TTLL5: variants seen among roughly 807,000 people sequenced by gnomAD.
TTLL5 encodes tubulin polyglutamylase TTLL5.
In TTLL5, 132 loss-of-function variants were observed where a neutral mutation model predicts 168.4. That is an observed-to-expected ratio of 0.78 (90% confidence interval 0.68 to 0.91). TTLL5 has a LOEUF of 0.91. Ranked by LOEUF, TTLL5 falls within the 40% of genes least tolerant of loss-of-function variation. The probability of loss-of-function intolerance (pLI) is 0.00; values close to 1 mark genes in which losing one functional copy is unlikely to be tolerated. For missense variants in TTLL5, 1,545 were observed against 1,581.5 expected (o/e 0.98, Z 0.39); for synonymous variants, 546 against 558.6 (o/e 0.98, Z 0.32).
At chr14:75,902,116 TC>T (rs1420936645) in intron 30 of TTLL5, 25 bp from the exon 31 acceptor site, 1 of 1,613,338 alleles carries the variant, frequency 6.2e-7, no homozygotes, top group African/African-American at 1.3e-5. Context: ...CGCCTGCAGG[TC>T]TGACCAAGCT....
rs1025217553 is a variant in TTLL5, at chr14:75,954,926, C to T, written c.*480C>T. 1.3e-5 allele frequency: 2 copies of T among 154,612 alleles called. No individual in the cohort carries two copies. Among genetic ancestry groups the T allele is most frequent in the African/African-American group, 4.8e-5 (2 of 41,496 alleles). 9.6% of individuals were successfully genotyped at this position (154,612 alleles called of 1,614,324 possible). On this transcript the variant is annotated 3_prime_UTR_variant, in exon 32 of 32. Transcript: ENST00000298832. ...ATCATCATCCGCCAAAGTTGTTCCT[C>T]CCTTTTCGGAGGATCTAGGGGGAAA...
At chr14:75,710,397 T>TACACACACACACAC (rs751341009) in intron 9 of TTLL5, 1 of 81,364 alleles carries the variant, frequency 1.2e-5, no homozygotes, top group Non-Finnish European at 2.5e-5. Flanking sequence ...CAAAAAAATT[T>TACACACACACACAC]ATACACACAC....
At chr14:75,745,646 A>T in intron 17 of TTLL5, 65 bp downstream of exon 17, 1 of 1,326,426 alleles carries the variant, frequency 7.5e-7, no homozygotes, top group Non-Finnish European at 1.1e-6. Flanking sequence ...TAATTGTGAT[A>T]CACTGTCATC....
intron 17 of TTLL5, among the ~76,000 whole-genome samples, chr14:75,745,789 T>G (rs1889571161): frequency 6.6e-6 from 1 of 152,046 alleles, no homozygotes; most frequent in Non-Finnish European, 1.5e-5. Context: ...ATCCTCTGCC[T>G]CCCTCCTAAC....
intron 15 of TTLL5, among the ~76,000 whole-genome samples, chr14:75,741,597 A>G (rs1889275888): frequency 7.4e-6 from 1 of 135,232 alleles, no homozygotes; most frequent in Non-Finnish European, 1.6e-5. Context: ...ATAAGCATTT[A>G]TTTTCTTTTT....
At chr14:75,702,460 A>G (rs1886337813) in intron 7 of TTLL5, among the ~76,000 whole-genome samples, 4 of 152,054 alleles carry the variant, frequency 2.6e-5, no homozygotes. Flanking sequence ...TTTGCTTTTT[A>G]TTTTCTTAGA....
chr14:75,675,177 A>C (rs1198781360), intron 3 of TTLL5, among the ~76,000 whole-genome samples: 1 of 152,244 alleles, frequency 6.6e-6, no homozygotes, highest in Non-Finnish European at 1.5e-5. Context: ...TCAAGTGCTT[A>C]TTAGTCACAC....
At chr14:75,918,805 A>G (rs2033713786) in intron 31 of TTLL5, among the ~76,000 whole-genome samples, 1 of 152,128 alleles carries the variant, frequency 6.6e-6, no homozygotes, top group African/African-American at 2.4e-5. Flanking sequence ...TAATTTTATT[A>G]TGATAGTAAA....
intron 28 of TTLL5, chr14:75,820,819 AAAAG>A (rs889786777): frequency 2.0e-5 from 3 of 153,084 alleles, no homozygotes; most frequent in Admixed American, 6.6e-5. Flanking sequence ...AAAAAAAAAA[AAAAG>A]AAATGGATTC....
intron 17 of TTLL5, among the ~76,000 whole-genome samples, chr14:75,750,083 C>G (rs1889854409): frequency 2.0e-5 from 3 of 152,092 alleles, no homozygotes; most frequent in Non-Finnish European, 4.4e-5. Flanking sequence ...AACAATGTGA[C>G]TTGTCCGTAA....
At chr14:75,852,119 C>T (rs2139893695) in intron 28 of TTLL5, among the ~76,000 whole-genome samples, 1 of 152,322 alleles carries the variant, frequency 6.6e-6, no homozygotes, top group South Asian at 2.1e-4. Context: ...CATGTTGCTT[C>T]TAGTGGTAGA....
intron 29 of TTLL5, among the ~76,000 whole-genome samples, chr14:75,874,396 T>A (rs907152586): frequency 6.6e-6 from 1 of 152,170 alleles, no homozygotes; most frequent in Admixed American, 6.5e-5. Flanking sequence ...CTGGCCTAAA[T>A]GGTTATTCTT....
chr14:75,868,161 C>T (rs1024006794), intron 29 of TTLL5, among the ~76,000 whole-genome samples: 1 of 152,170 alleles, frequency 6.6e-6, no homozygotes, highest in African/African-American at 2.4e-5. Flanking sequence ...AACTTCTGCT[C>T]CCAACCCACT....
At chr14:75,874,075 TC>T (rs1473225306) in intron 29 of TTLL5, among the ~76,000 whole-genome samples, 2 of 90,090 alleles carry the variant, frequency 2.2e-5, no homozygotes, top group African/African-American at 1.0e-4. Context: ...AAATGGTTAT[TC>T]TTTATTTATT....
At chr14:75,883,862 T>C (rs1036742779) in intron 30 of TTLL5, among the ~76,000 whole-genome samples, 3 of 152,228 alleles carry the variant, frequency 2.0e-5, no homozygotes, top group South Asian at 4.1e-4. Flanking sequence ...CAGTTTGTGG[T>C]TGAATGCCAG....
At chr14:75,816,634 T>C (rs1894422605) in intron 27 of TTLL5, among the ~76,000 whole-genome samples, 1 of 152,218 alleles carries the variant, frequency 6.6e-6, no homozygotes, top group Admixed American at 6.6e-5. Flanking sequence ...TTATTGATAT[T>C]CCCCTATAAA....
At chr14:75,914,340 T>A (rs963835676) in intron 31 of TTLL5, among the ~76,000 whole-genome samples, 3 of 151,892 alleles carry the variant, frequency 2.0e-5, no homozygotes, top group Non-Finnish European at 2.9e-5. Flanking sequence ...AAATGTTTCA[T>A]TACTTTGTAT....
chr14:75,873,569 G>A (rs146868552), intron 29 of TTLL5, among the ~76,000 whole-genome samples: 32 of 152,164 alleles, frequency 2.1e-4, no homozygotes, highest in African/African-American at 5.5e-4. Context: ...ACGTTGTAGC[G>A]TATGACAGGA....
chr14:75,692,089 A>C (rs531550767), intron 6 of TTLL5, among the ~76,000 whole-genome samples: 2 of 152,206 alleles, frequency 1.3e-5, no homozygotes, highest in African/African-American at 4.8e-5. Flanking sequence ...ATTTTTTGCT[A>C]TGTGACTTTA....
Sources: gnomAD v4.1 joint callset for allele counts (sites outside exome capture counted in the v4.1 genomes callset) on GRCh38, gnomAD v4.1.1 for gene constraint, MANE v1.5 for transcripts, NCBI Gene and HGNC (gene_info 2026-07-23, HGNC 2026-07-21) for gene names.